TTC1: variants seen among roughly 807,000 people sequenced by gnomAD.
TTC1 encodes tetratricopeptide repeat domain 1.
Under a neutral mutation model 37.6 loss-of-function variants are expected in TTC1, and 31 were observed. That is an observed-to-expected ratio of 0.82 (90% CI 0.62 to 1.11). The LOEUF is 1.11. Ranked by LOEUF, TTC1 falls within the 50% of genes most tolerant of loss-of-function variation. The pLI, the probability that TTC1 is intolerant of heterozygous loss-of-function variation, is 0.00. For missense variants in TTC1, 351 were observed against 339.0 expected, an observed-to-expected ratio of 1.04 and a Z score of -0.28; for synonymous variants, 127 against 122.4, an observed-to-expected ratio of 1.04 and a Z score of -0.25.
chr5:160,013,373 A>G (rs1419138910), intron 2 of TTC1, among the ~76,000 whole-genome samples: 1 of 152,144 alleles, frequency 6.6e-6, no homozygotes, highest in Non-Finnish European at 1.5e-5. Flanking sequence ...CTTTTAAAAT[A>G]AAGTTCAGAT....
intron 4 of TTC1, among the ~76,000 whole-genome samples, chr5:160,037,816 C>T (rs1394444487): frequency 4.1e-5 from 6 of 144,820 alleles, no homozygotes; most frequent in African/African-American, 7.5e-5. Flanking sequence ...ACTTTTTAAA[C>T]TATGGCTACT....
chr5:160,057,443 A>G lies in TTC1; in HGVS notation c.745+6260A>G, dbSNP rs1298777905. ...TGTACATACCTTAATTTTAAAATACATTATTAAAAAATGCTGACGATGAGC... is the reference window on the plus strand; with the variant it reads ...TGTACATACCTTAATTTTAAAATACGTTATTAAAAAATGCTGACGATGAGC... On this transcript the variant is annotated intron_variant, in intron 7 of 7. Transcript: ENST00000231238. The surrounding 1 kb of genome is among the most constrained non-coding windows in gnomAD (Gnocchi z 4.4). Among the ~76,000 whole-genome samples, 1 of 151,946 alleles carries G rather than the reference A, an allele frequency of 6.6e-6. No homozygotes were observed. The highest frequency in any genetic ancestry group is 1.9e-4 in the East Asian group (1 of 5,174).
chr5:160,053,917 C>G (rs1483910509), intron 7 of TTC1, among the ~76,000 whole-genome samples: 1 of 152,168 alleles, frequency 6.6e-6, no homozygotes, highest in Non-Finnish European at 1.5e-5. Context: ...ATTTGCTTTG[C>G]CCTTTCTAGC....
intron 2 of TTC1, chr5:160,024,035 G>A (rs1756759641): frequency 7.5e-7 from 1 of 1,330,990 alleles, no homozygotes; most frequent in East Asian, 2.3e-5. Context: ...CTTCTTGCAG[G>A]TAGTGTTCAA....
chr5:160,049,602 A>G lies in TTC1; in HGVS notation c.630A>G (p.Glu210=). The stretch of plus-strand genomic sequence containing the variant: ...CGGACAAGCTAGATGAAGCCCTGGA[A>G]GACTATAAATCTATATTAGAAAAAG... ...EKTDKLDEAL[E]DYKSILEKDP... is the part of the protein sequence containing the mutation. Residue 210 remains glutamate (E), a synonymous_variant, in exon 6 of 8, where the codon GAA becomes GAG. Coordinates refer to ENST00000231238, the MANE Select transcript of TTC1 (RefSeq NM_003314.3). 6.2e-7 allele frequency: 1 copy of G among 1,612,158 alleles called. No individual in the cohort carries two copies. Among genetic ancestry groups the G allele is most frequent in the African/African-American group, 1.3e-5 (1 of 74,844 alleles).
chr5:160,058,262 A>G (rs540717779), intron 7 of TTC1, among the ~76,000 whole-genome samples: 1 of 152,292 alleles, frequency 6.6e-6, no homozygotes, highest in East Asian at 1.9e-4. Flanking sequence ...TTACCTTGTT[A>G]TTGTCACCAC....
intron 2 of TTC1, among the ~76,000 whole-genome samples, chr5:160,033,183 T>A (rs1452825764): frequency 6.6e-6 from 1 of 152,206 alleles, no homozygotes; most frequent in Non-Finnish European, 1.5e-5. Flanking sequence ...CATTACAATC[T>A]AAGCATCTTT....
chr5:160,034,021 C>G (rs554912594), intron 2 of TTC1, among the ~76,000 whole-genome samples: 1 of 152,192 alleles, frequency 6.6e-6, no homozygotes, highest in Admixed American at 6.5e-5. Flanking sequence ...GAGGCTGAGG[C>G]AGAAGGATCA....
intron 7 of TTC1, among the ~76,000 whole-genome samples, chr5:160,054,096 T>A (rs931410758): frequency 2.8e-4 from 43 of 151,954 alleles, no homozygotes; most frequent in Admixed American, 8.5e-4. Flanking sequence ...TGTTTGTTTG[T>A]TTGGTCCTTT....
intron 5 of TTC1, among the ~76,000 whole-genome samples, chr5:160,048,262 A>G (rs1757309785): frequency 6.8e-6 from 1 of 146,668 alleles, no homozygotes; most frequent in Non-Finnish European, 1.5e-5. Flanking sequence ...AGTGATTCTT[A>G]TGCCTAAACC....
At chr5:160,024,721 A>G (rs1168195033) in intron 2 of TTC1, among the ~76,000 whole-genome samples, 3 of 151,702 alleles carry the variant, frequency 2.0e-5, no homozygotes, top group Non-Finnish European at 4.4e-5. Context: ...TTGGTCTCAA[A>G]CTCGTGCTCA....
chr5:160,018,810 A>T (rs957925735), intron 2 of TTC1, among the ~76,000 whole-genome samples: 2 of 152,204 alleles, frequency 1.3e-5, no homozygotes, highest in Non-Finnish European at 2.9e-5. Flanking sequence ...TTAGGCTCTA[A>T]TGCAGTAGCC....
chr5:160,046,001 A>G (rs551060904), intron 5 of TTC1, among the ~76,000 whole-genome samples: 4 of 152,290 alleles, frequency 2.6e-5, no homozygotes, highest in African/African-American at 9.6e-5. Context: ...TCGTCCTCCC[A>G]AAGTGCTGAG....
chr5:160,037,296 A>T lies in TTC1; in HGVS notation c.504+493A>T, dbSNP rs77602505. ...TGGGATAAAAGGTACCCTTAAATGC[A>T]AAATAGGTGTCAAGGAACTTTGAAA... On this transcript the variant is annotated intron_variant, in intron 4 of 7. Transcript: ENST00000231238. Among the ~76,000 whole-genome samples, 653 of 152,366 alleles carry T rather than the reference A, an allele frequency of 4.3e-3. 5 individuals carry two copies. The highest frequency in any genetic ancestry group is 0.015 in the African/African-American group (623 of 41,576).
intron 7 of TTC1, among the ~76,000 whole-genome samples, chr5:160,061,561 C>T (rs186274292): frequency 4.6e-5 from 7 of 152,246 alleles, no homozygotes; most frequent in African/African-American, 7.2e-5. Context: ...TCTTCTCTAA[C>T]GCAGAGACTA....
At chr5:160,013,381 G>T (rs777643032) in intron 2 of TTC1, among the ~76,000 whole-genome samples, 2 of 151,494 alleles carry the variant, frequency 1.3e-5, no homozygotes, top group Non-Finnish European at 2.9e-5. Context: ...ATAAAGTTCA[G>T]ATAGTTCAAC....
Position 160,048,743 on chromosome 5 carries a change from T to C in TTC1, c.542-771T>C, listed in dbSNP as rs887600984. ...AACTCTTTAATTTGTATCTTCAAATTCTCTCTCACCTAGCCTGGCCAACAT... is the reference window on the plus strand; with the variant it reads ...AACTCTTTAATTTGTATCTTCAAATCCTCTCTCACCTAGCCTGGCCAACAT... On this transcript the variant is annotated intron_variant, in intron 5 of 7. Transcript: ENST00000231238. Among the ~76,000 whole-genome samples, 3 of 152,202 alleles carry C rather than the reference T, an allele frequency of 2.0e-5. No individual in the cohort carries two copies. The East Asian group carries it at 5.8e-4, about 29-fold the overall frequency.
chr5:160,052,315 G>A (rs1419223868), intron 7 of TTC1, among the ~76,000 whole-genome samples: 2 of 151,970 alleles, frequency 1.3e-5, no homozygotes, highest in Non-Finnish European at 2.9e-5. Flanking sequence ...GCCAGCCTAG[G>A]CAACATGGTG....
intron 2 of TTC1, among the ~76,000 whole-genome samples, chr5:160,026,882 A>G (rs973256949): frequency 6.6e-6 from 1 of 151,550 alleles, no homozygotes; most frequent in Non-Finnish European, 1.5e-5. Flanking sequence ...CTCTTTTTGT[A>G]TTAGATAATA....
Sources: gnomAD v4.1 joint callset for allele counts (sites outside exome capture counted in the v4.1 genomes callset) on GRCh38, gnomAD v4.1.1 for gene constraint, Gnocchi (gnomAD v3.1) non-coding constraint, MANE v1.5 for transcripts, NCBI Gene and HGNC (gene_info 2026-07-23, HGNC 2026-07-21) for gene names.